Variants in PLCH1 observed in about 807,000 individuals in gnomAD.
PLCH1 encodes 1-phosphatidylinositol 4,5-bisphosphate phosphodiesterase eta-1.
In PLCH1, 60 loss-of-function variants were observed where a neutral mutation model predicts 126.7. The ratio of observed to expected loss-of-function variants is 0.47; its 90% CI spans 0.38 to 0.59. The LOEUF (loss-of-function observed/expected upper bound fraction) is 0.59, where lower values mean the gene tolerates loss of function less well. Ranked by LOEUF, PLCH1 falls within the 20% of genes least tolerant of loss-of-function variation. The pLI is 0.00. For missense variants in PLCH1, 1,723 were observed against 2,040.0 expected (o/e 0.84, Z 2.99); for synonymous variants, 719 against 734.9 (o/e 0.98, Z 0.35).
At chr3:155,539,011 TA>T (rs1723845740) in intron 10 of PLCH1, among the ~76,000 whole-genome samples, 1 of 150,148 alleles carries the variant, frequency 6.7e-6, no homozygotes, top group African/African-American at 2.5e-5. Context: ...CTCAACCAAA[TA>T]CTAGCTAATT....
intron 17 of PLCH1, among the ~76,000 whole-genome samples, chr3:155,493,066 AT>A (rs746958781): frequency 1.3e-5 from 2 of 152,176 alleles, no homozygotes; most frequent in Non-Finnish European, 2.9e-5. Flanking sequence ...TTGCAATGCA[AT>A]GATCAACTGT....
intron 8 of PLCH1, among the ~76,000 whole-genome samples, chr3:155,562,777 C>A (rs1010959662): frequency 6.6e-6 from 1 of 152,136 alleles, no homozygotes; most frequent in Non-Finnish European, 1.5e-5. Context: ...AACAGGCATG[C>A]GCCCTTTCAA....
chr3:155,558,611 TTCTC>T (rs1466876361), intron 8 of PLCH1, among the ~76,000 whole-genome samples: 2 of 152,204 alleles, frequency 1.3e-5, no homozygotes, highest in Non-Finnish European at 1.5e-5. Flanking sequence ...TGAATGTGGT[TTCTC>T]TCTCAAGATA....
At chr3:155,529,000 C>T (rs1361576447) in intron 10 of PLCH1, among the ~76,000 whole-genome samples, 2 of 152,122 alleles carry the variant, frequency 1.3e-5, no homozygotes, top group Non-Finnish European at 2.9e-5. Flanking sequence ...TGCAAATGAA[C>T]ACTGTTTTTC....
intron 8 of PLCH1, among the ~76,000 whole-genome samples, chr3:155,556,441 G>A (rs978683733): frequency 3.9e-5 from 6 of 152,160 alleles, no homozygotes; most frequent in African/African-American, 1.2e-4. Context: ...TCCCCTATAT[G>A]TGTGTTTTGT....
In PLCH1 at chr3:155,510,746, C is replaced by T. The variant is rs919970670; in HGVS notation, c.1632+3977G>A. Among the ~76,000 whole-genome samples the T allele has an allele frequency of 2.7e-5, 3 of 109,422 alleles. 1 individual carries two copies. Among genetic ancestry groups the T allele is most frequent in the African/African-American group, 5.1e-5 (1 of 19,654 alleles). 71.8% of individuals were successfully genotyped at this position (109,422 alleles called of 152,430 possible). On this transcript the variant is annotated intron_variant, in intron 12 of 22. Coordinates refer to ENST00000460012, the MANE Select transcript of PLCH1 (RefSeq NM_014996.4). ...ATCCGCTGTTAGTCTGATGGGCTTT[C>T]GTTTGAGGGTAACCCGACCTTTCCC...
intron 2 of PLCH1, among the ~76,000 whole-genome samples, chr3:155,601,043 C>T (rs188330626): frequency 4.4e-4 from 67 of 152,258 alleles, no homozygotes; most frequent in African/African-American, 1.3e-3. Flanking sequence ...GGCGTGATCT[C>T]GGCTCACTGC....
chr3:155,524,846 G>C (rs763896657), intron 10 of PLCH1, among the ~76,000 whole-genome samples: 1 of 152,048 alleles, frequency 6.6e-6, no homozygotes, highest in Non-Finnish European at 1.5e-5. Context: ...ATAAGCCTCT[G>C]TCTCTACAAA....
At chr3:155,469,370 G>A (rs1386294276) in intron 21 of PLCH1, among the ~76,000 whole-genome samples, 1 of 152,200 alleles carries the variant, frequency 6.6e-6, no homozygotes, top group African/African-American at 2.4e-5. Flanking sequence ...TTTCGGACCG[G>A]CCTAAAAAAC....
At chr3:155,600,364 A>T (rs1400161220) in intron 2 of PLCH1, among the ~76,000 whole-genome samples, 1 of 152,228 alleles carries the variant, frequency 6.6e-6, no homozygotes, top group Non-Finnish European at 1.5e-5. Context: ...CCTAAAAATC[A>T]TTGTCCACCC....
intron 7 of PLCH1, 39 bp downstream of exon 7, chr3:155,568,192 A>T: frequency 1.1e-6 from 1 of 907,404 alleles, no homozygotes; most frequent in African/African-American, 1.6e-5. Flanking sequence ...TAACAGGCTG[A>T]ATCAAGAAAT....
chr3:155,486,082 A>G, intron 21 of PLCH1: 1 of 989,976 alleles, frequency 1.0e-6, no homozygotes, highest in Non-Finnish European at 1.5e-6. Context: ...ATGAAAAAGC[A>G]TGCTGCCATA....
chr3:155,502,602 T>C (rs1014139347), intron 13 of PLCH1, among the ~76,000 whole-genome samples: 1 of 152,150 alleles, frequency 6.6e-6, no homozygotes, highest in Admixed American at 6.6e-5. Context: ...AATGCAAAAA[T>C]TAGAAATAAG....
At chr3:155,491,536 T>C (rs1716201680) in intron 18 of PLCH1, among the ~76,000 whole-genome samples, 1 of 152,172 alleles carries the variant, frequency 6.6e-6, no homozygotes, top group South Asian at 2.1e-4. Flanking sequence ...GTGCTGGGAT[T>C]ATAAATGTGA....
At chr3:155,573,641 T>G (rs1729548454) in intron 6 of PLCH1, among the ~76,000 whole-genome samples, 1 of 152,098 alleles carries the variant, frequency 6.6e-6, no homozygotes, top group African/African-American at 2.4e-5. Flanking sequence ...TCCAACAGGG[T>G]GAGGATGAAA....
At chr3:155,698,877 G>T (rs1174719942) in intron 2 of PLCH1, among the ~76,000 whole-genome samples, 1 of 152,028 alleles carries the variant, frequency 6.6e-6, no homozygotes, top group Non-Finnish European at 1.5e-5. Context: ...CCTTTTGGGT[G>T]GGGCCAATAA....
intron 2 of PLCH1, among the ~76,000 whole-genome samples, chr3:155,628,329 T>C (rs568928493): frequency 1.4e-4 from 18 of 132,360 alleles, no homozygotes; most frequent in African/African-American, 5.0e-4. Context: ...AAGACTTTCA[T>C]TCCAAAAGTG....
chr3:155,701,805 GTTCCTATGTTAACAGA>G (rs1358372435), intron 2 of PLCH1, among the ~76,000 whole-genome samples: 5 of 152,160 alleles, frequency 3.3e-5, no homozygotes, highest in Non-Finnish European at 7.4e-5. Flanking sequence ...AGTCAAGTAA[GTTCCTATGTTAACAGA>G]TTCATTTTCA....
At chr3:155,646,772 A>G (rs1472086728) in intron 2 of PLCH1, among the ~76,000 whole-genome samples, 2 of 152,148 alleles carry the variant, frequency 1.3e-5, no homozygotes, top group Non-Finnish European at 2.9e-5. Flanking sequence ...TTTCCCACAC[A>G]ACCTGCCTCC....
Sources: gnomAD v4.1 joint callset for allele counts (sites outside exome capture counted in the v4.1 genomes callset) on GRCh38, gnomAD v4.1.1 for gene constraint, MANE v1.5 for transcripts, NCBI Gene and HGNC (gene_info 2026-07-23, HGNC 2026-07-21) for gene names.